The following GON4L variants were observed in gnomAD, a reference collection of about 807,000 sequenced individuals.
GON4L encodes gon-4 like.
GON4L carries 87 observed loss-of-function variants against 211.8 expected under a neutral mutation model. That is an observed-to-expected ratio of 0.41 (90% confidence interval 0.35 to 0.49). The LOEUF is 0.49. GON4L is among the 20% of genes least tolerant of loss of function. GON4L has a pLI of 0.15. For missense variants in GON4L, 2,155 were observed against 2,659.5 expected, an observed-to-expected ratio of 0.81 and a Z score of 4.17; for synonymous variants, 875 against 962.6, an observed-to-expected ratio of 0.91 and a Z score of 1.68.
At chr1:155,777,162 A>G (rs573119609) in intron 15 of GON4L, among the ~76,000 whole-genome samples, 4 of 152,364 alleles carry the variant, frequency 2.6e-5, no homozygotes, top group African/African-American at 9.6e-5. Flanking sequence ...ATAAGGCATG[A>G]ACATGATGAC....
At chr1:155,844,972 T>G (rs1671091982) in intron 2 of GON4L, among the ~76,000 whole-genome samples, 1 of 152,166 alleles carries the variant, frequency 6.6e-6, no homozygotes, top group African/African-American at 2.4e-5. Context: ...TCTGACCCCT[T>G]AGATGAGGCA....
chr1:155,748,795 G>A (rs1660352923), downstream of GON4L: 4 of 1,610,482 alleles, frequency 2.5e-6, no homozygotes, highest in Admixed American at 5.0e-5. Context: ...CAAGGTGAGA[G>A]CTGTTGGTCC....
intron 11 of GON4L, 127 bp downstream of exon 11, chr1:155,804,822 A>T: frequency 1.3e-6 from 1 of 759,502 alleles, no homozygotes; most frequent in Non-Finnish European, 2.3e-6. Context: ...GATTTAAGAT[A>T]AATTATCAGT....
In GON4L at chr1:155,855,199, C is replaced by T. The variant is rs546081709; in HGVS notation, c.-26-1393G>A. The stretch of plus-strand genomic sequence containing the variant: ...TTACTGACCTAAACCAGAGGGTATC[C>T]TCTATGTTCTTTTAGTATCTGTTTG... On this transcript the variant is annotated intron_variant, in intron 1 of 31. Transcript: ENST00000368331. Among the ~76,000 whole-genome samples, 9 of 152,246 alleles carry T rather than the reference C, an allele frequency of 5.9e-5. No homozygotes were observed. In the East Asian group the frequency reaches 1.7e-3, roughly 29 times the overall value.
chr1:155,829,950 T>C (rs1038144184), intron 2 of GON4L, among the ~76,000 whole-genome samples: 6 of 152,032 alleles, frequency 3.9e-5, no homozygotes, highest in Non-Finnish European at 7.4e-5. Context: ...AGGGACAGTT[T>C]TTTTGTTTTT....
rs376532378 is a variant in GON4L at position 155,845,026 on chromosome 1, C to T, written c.505+8250G>A. ...TCCAGTGCTAGGCAGGGCCAATGCC[C>T]ATAAAATCAACAGGAAGCAGTCACA... On this transcript the variant is annotated intron_variant, in intron 2 of 31. Transcript: ENST00000368331. Among the ~76,000 whole-genome samples, 65 of 152,264 alleles carry T rather than the reference C, an allele frequency of 4.3e-4. 1 individual carries two copies. The South Asian group carries it at 9.3e-3, about 22-fold the overall frequency.
rs1470198659 is a variant in GON4L, at chr1:155,812,006, G to A, written c.1452+1628C>T. Among the ~76,000 whole-genome samples, 5 of 151,900 alleles carry A rather than the reference G, an allele frequency of 3.3e-5. 1 individual carries two copies. Among genetic ancestry groups the A allele is most frequent in the Admixed American group, 1.3e-4 (2 of 15,206 alleles). ...AGCAGAGGTGCAGTGAGCTGAGGTC[G>A]CGCCACTGCACTCCAGCCTGGGCAA... On this transcript the variant is annotated intron_variant, in intron 10 of 31. Transcript: ENST00000368331.
chr1:155,747,738 C>T (rs575335803), downstream of GON4L: 361 of 1,613,886 alleles, frequency 2.2e-4, 2 homozygotes, highest in African/African-American at 4.4e-3. Flanking sequence ...TGCTAACTAT[C>T]TTTCGTCACT....
intron 27 of GON4L, among the ~76,000 whole-genome samples, chr1:155,755,668 G>C (rs1661098015): frequency 6.6e-6 from 1 of 152,102 alleles, no homozygotes; most frequent in Non-Finnish European, 1.5e-5. Context: ...ATTTAAGTCA[G>C]ACATAATCTG....
intron 19 of GON4L, among the ~76,000 whole-genome samples, chr1:155,769,100 C>T (rs540511910): frequency 1.3e-4 from 20 of 152,138 alleles, no homozygotes; most frequent in Middle Eastern, 6.8e-3. Flanking sequence ...CTCAGCCTCC[C>T]GAGTGGCTGG....
chr1:155,831,973 C>T (rs1173843875), intron 2 of GON4L, among the ~76,000 whole-genome samples: 1 of 152,088 alleles, frequency 6.6e-6, no homozygotes, highest in Admixed American at 6.6e-5. Context: ...ACCCAGGAGG[C>T]GGAGCTTGCA....
intron 30 of GON4L, 22 bp downstream of exon 30, chr1:155,751,938 C>T: frequency 6.2e-7 from 1 of 1,612,598 alleles, no homozygotes; most frequent in Non-Finnish European, 8.5e-7. Context: ...TTTCCAAACA[C>T]ACGTCATCCA....
intron 11 of GON4L, among the ~76,000 whole-genome samples, chr1:155,797,115 T>A (rs1330782821): frequency 6.6e-6 from 1 of 152,118 alleles, no homozygotes; most frequent in Non-Finnish European, 1.5e-5. Context: ...ACAATATTTT[T>A]TTTTTCTTTC....
chr1:155,748,091 T>C (rs200853717), downstream of GON4L: 40 of 1,608,316 alleles, frequency 2.5e-5, no homozygotes, highest in East Asian at 1.6e-4. Context: ...GCCTGCGACC[T>C]GAGCCACCTG....
At chr1:155,801,709 C>CAAT (rs1666682235) in intron 11 of GON4L, among the ~76,000 whole-genome samples, 2 of 151,678 alleles carry the variant, frequency 1.3e-5, no homozygotes, top group Admixed American at 1.3e-4. Flanking sequence ...ATGGTGAAAC[C>CAAT]CTGTCTCTAC....
intron 1 of GON4L, among the ~76,000 whole-genome samples, chr1:155,855,892 G>A (rs1672226163): frequency 1.4e-5 from 2 of 143,340 alleles, no homozygotes; most frequent in Admixed American, 1.5e-4. Context: ...TGAGGCAGGA[G>A]AATCGCTTGA....
At chr1:155,857,660 C>T (rs1191288514), upstream of GON4L, among the ~76,000 whole-genome samples, 1 of 151,794 alleles carries the variant, frequency 6.6e-6, no homozygotes, top group Non-Finnish European at 1.5e-5. Context: ...ACCCGGGAGA[C>T]GGAGGTGGCA....
At chr1:155,853,238 T>C (rs372837679) in intron 2 of GON4L, 38 bp downstream of exon 2, 45 of 1,541,138 alleles carry the variant, frequency 2.9e-5, no homozygotes, top group African/African-American at 8.2e-5. Flanking sequence ...CAAAGTGGTA[T>C]TGACAAGAAT....
In GON4L at chr1:155,766,094, C is replaced by A. The variant is rs199939610; in HGVS notation, c.3379G>T (p.Ala1127Ser). ...RRPSKRRGVK[A>S]SPCMKPAPVI... ...GGGGCAGGTTTCATACAGGGAGAGG[C>A]CTTGACTCCTCTTCTCTTTGAGGGT... The change falls in exon 21 of 32, where the codon GCC (alanine) becomes TCC (serine). Residue 1127 changes from alanine to serine, a missense_variant. By Grantham distance (99) the Ala-to-Ser change is moderately conservative (BLOSUM62 1). Transcript: ENST00000368331. 619 of 1,614,138 alleles carry A rather than the reference C, an allele frequency of 3.8e-4. 2 individuals carry two copies. The highest frequency in any genetic ancestry group is 6.4e-5 in the Non-Finnish European group (75 of 1,180,010).
Sources: allele counts gnomAD v4.1 joint callset (sites outside exome capture counted in the v4.1 genomes callset), GRCh38; gene constraint gnomAD v4.1.1; transcripts MANE v1.5; gene names NCBI Gene and HGNC (gene_info 2026-07-23, HGNC 2026-07-21).